Variants in RASAL2 observed in about 807,000 individuals in gnomAD.
The protein encoded by RASAL2 is RAS protein activator like 2.
Under a neutral mutation model 128.9 loss-of-function variants are expected in RASAL2, and 58 were observed. The ratio of observed to expected loss-of-function variants is 0.45; its 90% CI spans 0.36 to 0.56. RASAL2 has a LOEUF of 0.56. Among genes scored for constraint, RASAL2 ranks in the 20% least tolerant of loss-of-function variants. The pLI, the probability that RASAL2 is intolerant of heterozygous loss-of-function variation, is 0.00. For synonymous variants in RASAL2, 561 were observed against 580.8 expected (o/e 0.97, Z 0.49); for missense variants, 1,360 against 1,601.6 (o/e 0.85, Z 2.57).
At chr1:178,331,465 G>A (rs991697814) in intron 3 of RASAL2, among the ~76,000 whole-genome samples, 3 of 151,514 alleles carry the variant, frequency 2.0e-5, no homozygotes, top group Admixed American at 6.6e-5. Context: ...AAAATGTGTA[G>A]TAATCTATTT....
At position 178,423,819 on chromosome 1, in the gene RASAL2, A is replaced by G. The variant is rs1234568339; in HGVS notation, c.674+3199A>G. 3.3e-5 allele frequency among the ~76,000 whole-genome samples: 5 copies of G among 151,804 alleles called. No individual in the cohort carries two copies. In the East Asian group the frequency reaches 9.7e-4, roughly 29 times the overall value. On this transcript the variant is annotated intron_variant, in intron 5 of 17. Coordinates refer to ENST00000367649, the MANE Select transcript of RASAL2 (RefSeq NM_170692.4). Reference sequence around the variant, plus strand: ...TGTGACTTACCTATTTCCTTTGCCCATTTTTCTATTGAGTTGTTTGTCCTA... The same window carrying G: ...TGTGACTTACCTATTTCCTTTGCCCGTTTTTCTATTGAGTTGTTTGTCCTA...
intron 12 of RASAL2, 117 bp from the exon 13 acceptor site, chr1:178,456,604 C>A: frequency 9.1e-7 from 1 of 1,096,388 alleles, no homozygotes; most frequent in Non-Finnish European, 1.4e-6. Flanking sequence ...TATGCAAACA[C>A]TTACCCTTCC....
intron 17 of RASAL2, among the ~76,000 whole-genome samples, chr1:178,472,261 T>C (rs969751516): frequency 3.3e-5 from 5 of 152,332 alleles, no homozygotes; most frequent in African/African-American, 1.2e-4. Context: ...CCCTTGGTTT[T>C]TGTGTGTGTG....
At chr1:178,441,068 A>T (rs73037529) in intron 6 of RASAL2, among the ~76,000 whole-genome samples, 15,892 of 152,106 alleles carry the variant, frequency 0.1, 885 homozygotes, top group Middle Eastern at 0.15. Flanking sequence ...GGATGAATTT[A>T]AAATGGCCTT....
intron 1 of RASAL2, among the ~76,000 whole-genome samples, chr1:178,135,872 T>G (rs1660304792): frequency 6.6e-6 from 1 of 152,138 alleles, no homozygotes. Context: ...TCAGGTCTCA[T>G]GAGACGTATT....
In RASAL2 at chr1:178,476,748, G is replaced by A. The variant is rs6676714; in HGVS notation, c.*3509G>A. ...AAGCTTTTCAGATCTTAGTCTACCCGGGGCCTTTGTTGATGGGTCTGTGGT... is the reference window on the plus strand; with the variant it reads ...AAGCTTTTCAGATCTTAGTCTACCCAGGGCCTTTGTTGATGGGTCTGTGGT... On this transcript the variant is annotated 3_prime_UTR_variant, in exon 18 of 18. Coordinates refer to ENST00000367649, the MANE Select transcript of RASAL2 (RefSeq NM_170692.4). 0.038 allele frequency: 5,853 copies of A among 152,120 alleles called. 358 individuals carry two copies. The highest frequency in any genetic ancestry group is 0.13 in the African/African-American group (5,433 of 41,446). The allele number at this position is 152,120 out of a possible 1,614,324, so 9.4% of individuals were successfully genotyped here.
intron 3 of RASAL2, among the ~76,000 whole-genome samples, chr1:178,319,934 T>A (rs892006408): frequency 5.3e-5 from 8 of 152,188 alleles, no homozygotes; most frequent in African/African-American, 1.9e-4. Context: ...TTTATCTACT[T>A]TTGGTCTTTG....
At chr1:178,286,734 T>TC (rs533458543) in intron 2 of RASAL2, among the ~76,000 whole-genome samples, 24 of 152,306 alleles carry the variant, frequency 1.6e-4, no homozygotes, top group Admixed American at 6.5e-4. Flanking sequence ...CTAACCTTCC[T>TC]CGTCGTTTTT....
intron 3 of RASAL2, among the ~76,000 whole-genome samples, chr1:178,342,225 A>T (rs1669918262): frequency 6.6e-6 from 1 of 152,212 alleles, no homozygotes; most frequent in Non-Finnish European, 1.5e-5. Context: ...TCTGAAAGAG[A>T]CTTGGAGATT....
At chr1:178,373,896 A>G (rs1671853850) in intron 3 of RASAL2, among the ~76,000 whole-genome samples, 1 of 152,134 alleles carries the variant, frequency 6.6e-6, no homozygotes, top group Admixed American at 6.6e-5. Context: ...GCAAATTTCC[A>G]TAAATTATGA....
At chr1:178,441,691 G>A in intron 7 of RASAL2, 44 bp downstream of exon 7, 1 of 1,457,578 alleles carries the variant, frequency 6.9e-7, no homozygotes, top group Non-Finnish European at 9.6e-7. Context: ...AACTTTGTAA[G>A]CAGTTAATTG....
At chr1:178,473,044 C>G (rs777980130) in intron 17 of RASAL2, 31 bp from the exon 18 acceptor site, 3 of 1,611,226 alleles carry the variant, frequency 1.9e-6, no homozygotes, top group Non-Finnish European at 8.5e-7. Flanking sequence ...CTGCCTGTAG[C>G]CTGAATAAAG....
intron 3 of RASAL2, among the ~76,000 whole-genome samples, chr1:178,319,647 G>C (rs1668655683): frequency 2.0e-5 from 3 of 148,930 alleles, no homozygotes; most frequent in African/African-American, 5.2e-5. Context: ...AGCTCCATCA[G>C]CTCCTTTAAT....
chr1:178,181,361 A>ATT (rs946559831), intron 1 of RASAL2, among the ~76,000 whole-genome samples: 3 of 145,046 alleles, frequency 2.1e-5, no homozygotes, highest in South Asian at 2.2e-4. Flanking sequence ...TTGATTCAGA[A>ATT]TTTTTTTTTT....
At position 178,162,291 on chromosome 1, in the gene RASAL2, A is replaced by T. The variant is rs912297958; in HGVS notation, c.202+67597A>T. On this transcript the variant is annotated intron_variant, in intron 1 of 17. Coordinates refer to ENST00000367649, the MANE Select transcript of RASAL2 (RefSeq NM_170692.4). The stretch of plus-strand genomic sequence containing the variant: ...AATTGTTGATTTATAAGATTTCTTT[A>T]TATATATATATATATATAATGTATT... Among the ~76,000 whole-genome samples the T allele has an allele frequency of 8.4e-4, 105 of 125,304 alleles. 1 individual carries two copies. The highest frequency in any genetic ancestry group is 3.0e-3 in the African/African-American group (99 of 32,734). The allele number at this position is 125,304 out of a possible 152,430, so 82.2% of individuals were successfully genotyped here.
intron 1 of RASAL2, among the ~76,000 whole-genome samples, chr1:178,240,816 AT>A (rs1001091152): frequency 6.6e-6 from 1 of 151,668 alleles, no homozygotes; most frequent in Non-Finnish European, 1.5e-5. Context: ...TTCACTTCAC[AT>A]TTTACTTTGG....
At chr1:178,435,115 A>G (rs1182124298) in intron 5 of RASAL2, among the ~76,000 whole-genome samples, 1 of 152,026 alleles carries the variant, frequency 6.6e-6, no homozygotes, top group East Asian at 1.9e-4. Context: ...TCACTGAAGC[A>G]GTCTGGAATC....
rs747149520 is a variant in RASAL2 at position 178,452,526 on chromosome 1, G to A, written c.1883G>A (p.Arg628His). Residue 628 changes from arginine to histidine, a missense_variant, in exon 11 of 18, where the codon CGT becomes CAT. Around this residue, in one of 3 missense-constraint regions of RASAL2, gnomAD observed 741 missense variants for 868.6 expected, o/e 0.85. Transcript: ENST00000367649. Reference protein sequence around the residue: ...ERLISASLFLRFLCPAIMSPS... With the variant: ...ERLISASLFLHFLCPAIMSPS... The stretch of plus-strand genomic sequence containing the variant: ...CTCATCAGTGCCTCATTATTTCTCC[G>A]TTTTCTGTGTCCAGCCATTATGTCT... The A allele has an allele frequency of 2.0e-5, 32 of 1,614,000 alleles. No homozygotes were observed. The highest frequency in any genetic ancestry group is 2.3e-5 in the Non-Finnish European group (27 of 1,179,958).
chr1:178,323,960 C>G (rs758211825), intron 3 of RASAL2, among the ~76,000 whole-genome samples: 111 of 152,184 alleles, frequency 7.3e-4, no homozygotes, highest in Non-Finnish European at 1.5e-3. Flanking sequence ...GTAACTAGAA[C>G]ACATTCTGTC....
Sources: gnomAD v4.1 joint callset for allele counts (sites outside exome capture counted in the v4.1 genomes callset) on GRCh38, gnomAD v4.1.1 for gene constraint, gnomAD v4.1.1 regional missense constraint, MANE v1.5 for transcripts, NCBI Gene and HGNC (gene_info 2026-07-23, HGNC 2026-07-21) for gene names.